The following ADD2 variants were observed in gnomAD, a reference collection of about 807,000 sequenced individuals.
ADD2 encodes adducin 2.
ADD2 carries 23 observed loss-of-function variants against 83.0 expected under a neutral mutation model. The ratio of observed to expected loss-of-function variants is 0.28; its 90% CI spans 0.20 to 0.39. The LOEUF (loss-of-function observed/expected upper bound fraction) is 0.39, where lower values mean the gene tolerates loss of function less well. Among genes scored for constraint, ADD2 ranks in the 10% least tolerant of loss-of-function variants. The pLI, the probability that ADD2 is intolerant of heterozygous loss-of-function variation, is 1.00. For synonymous variants in ADD2, 375 were observed against 375.4 expected (o/e 1.00, Z 0.01); for missense variants, 758 against 944.9 (o/e 0.80, Z 2.59).
At chr2:70,757,951 A>C (rs1674881352) in intron 1 of ADD2, among the ~76,000 whole-genome samples, 1 of 152,212 alleles carries the variant, frequency 6.6e-6, no homozygotes, top group Non-Finnish European at 1.5e-5. Context: ...TTTTCCCTTC[A>C]ATAAAATGAT....
At chr2:70,692,191 G>A (rs56232445) in intron 7 of ADD2, among the ~76,000 whole-genome samples, 3,661 of 152,332 alleles carry the variant, frequency 0.024, 79 homozygotes, top group Admixed American at 0.058. Flanking sequence ...GTATGTGGGG[G>A]ATGCGATGGA....
rs1374557201 is a variant in ADD2 at position 70,658,520 on chromosome 2, C to T, written c.*4905G>A. 11 of 152,206 alleles carry T rather than the reference C, an allele frequency of 7.2e-5. No individual in the cohort carries two copies. The highest frequency in any genetic ancestry group is 2.7e-4 in the African/African-American group (11 of 41,450). 9.4% of individuals were successfully genotyped at this position (152,206 alleles called of 1,614,324 possible). A position where few individuals can be genotyped will look rare whatever the true frequency, so the allele number is the denominator to read the frequency against. ...TATCCCTTTCAGAACAGATGTGAAA[C>T]AGATGATAGGCTGCCTCACTGGCTT... On this transcript the variant is annotated 3_prime_UTR_variant, in exon 16 of 16. Coordinates refer to ENST00000264436, the MANE Select transcript of ADD2 (RefSeq NM_001617.4).
At position 70,706,277 on chromosome 2, in the gene ADD2, G is replaced by A; in HGVS notation, c.132C>T (p.Asp44=). 6.2e-7 allele frequency: 1 copy of A among 1,614,122 alleles called. No homozygotes were observed. The highest frequency in any genetic ancestry group is 8.5e-7 in the Non-Finnish European group (1 of 1,180,010). ...LRNRAADLRQ[D]FNLMEQKKRV... ...GCTTCTTCTGCTCCATCAGGTTGAA[G>A]TCCTGCCGCAGGTCCGCCGCCCGGT... Residue 44 remains aspartate (D), a synonymous_variant, in exon 3 of 16, where the codon GAC becomes GAT. Transcript: ENST00000264436. This position sits in a 1 kb window ranked among gnomAD's most constrained non-coding sequence, Gnocchi z 5.0.
Position 70,683,582 on chromosome 2 carries a change from G to A in ADD2, c.1125+9C>T, listed in dbSNP as rs1574237203. ...GACTGGCCTGGAAGGGCAATGGCAG[G>A]AGACTCACCAGGTTGTCCAGCATCC... On this transcript the variant is annotated intron_variant, in intron 10 of 15. Coordinates refer to ENST00000264436, the MANE Select transcript of ADD2 (RefSeq NM_001617.4). The A allele has an allele frequency of 1.2e-6, 2 of 1,605,436 alleles. No individual in the cohort carries two copies. The highest frequency in any genetic ancestry group is 1.7e-6 in the Non-Finnish European group (2 of 1,173,136).
At chr2:70,681,462 G>A (rs1378429399) in intron 10 of ADD2, among the ~76,000 whole-genome samples, 1 of 152,098 alleles carries the variant, frequency 6.6e-6, no homozygotes, top group Non-Finnish European at 1.5e-5. Flanking sequence ...AGGAATCTTT[G>A]AAAAACCCCC....
chr2:70,759,185 A>C (rs755037289), intron 1 of ADD2, among the ~76,000 whole-genome samples: 1 of 152,254 alleles, frequency 6.6e-6, no homozygotes, highest in Admixed American at 6.5e-5. Context: ...TGGAGCACTG[A>C]AATTTGTATT....
At chr2:70,731,851 C>T (rs972995716) in intron 1 of ADD2, among the ~76,000 whole-genome samples, 23 of 152,348 alleles carry the variant, frequency 1.5e-4, no homozygotes, top group African/African-American at 4.8e-4. Context: ...TCATGTCAGG[C>T]AGTCCCACAA....
chr2:70,689,684 CA>C (rs1446415641), intron 8 of ADD2, among the ~76,000 whole-genome samples: 1 of 152,212 alleles, frequency 6.6e-6, no homozygotes, highest in Admixed American at 6.5e-5. Flanking sequence ...ATGATTCAGG[CA>C]GTGCATTCCT....
intron 1 of ADD2, among the ~76,000 whole-genome samples, chr2:70,738,959 C>T (rs1428844131): frequency 1.3e-5 from 2 of 152,156 alleles, no homozygotes; most frequent in African/African-American, 4.8e-5. Flanking sequence ...CTAGGTAATA[C>T]CATTCTGGAC....
rs533681518 is a variant in ADD2, at chr2:70,663,821, A to G, written c.1871-86T>C. 6 of 1,383,896 alleles carry G rather than the reference A, an allele frequency of 4.3e-6. No homozygotes were observed. The South Asian group carries it at 8.4e-5, about 19-fold the overall frequency. The allele number at this position is 1,383,896 out of a possible 1,614,324, so 85.7% of individuals were successfully genotyped here. A position where few individuals can be genotyped will look rare whatever the true frequency, so the allele number is the denominator to read the frequency against. ...GGGCTAACAGAACCATTTCTAGGGAATTCTATAAAATCAATCCAGAGCGAG... is the reference window on the plus strand; with the variant it reads ...GGGCTAACAGAACCATTTCTAGGGAGTTCTATAAAATCAATCCAGAGCGAG... On this transcript the variant is annotated intron_variant, in intron 15 of 15. Coordinates refer to ENST00000264436, the MANE Select transcript of ADD2 (RefSeq NM_001617.4).
At chr2:70,729,298 C>T (rs1477056) in intron 1 of ADD2, among the ~76,000 whole-genome samples, 2 of 152,238 alleles carry the variant, frequency 1.3e-5, no homozygotes, top group African/African-American at 2.4e-5. Flanking sequence ...TGGAATAACA[C>T]TACCTCCTTC....
intron 1 of ADD2, among the ~76,000 whole-genome samples, chr2:70,719,699 C>G (rs1402808287): frequency 6.6e-6 from 1 of 152,184 alleles, no homozygotes; most frequent in African/African-American, 2.4e-5. Context: ...AGCTGACTGT[C>G]CTGATTCACT....
Position 70,683,677 on chromosome 2 carries a change from A to G in ADD2, c.1039T>C (p.Trp347Arg). ...HRPHEVGSVQ[W>R]AGSTFGPMQK... ...ATAGGCCCAAAGGTGCTCCCGGCCC[A>G]CTGCACGGAGCCCACCTCATGGGGC... Residue 347 changes from tryptophan to arginine, a missense_variant, in exon 10 of 16, where the codon TGG (tryptophan) becomes CGG (arginine). Around this residue, in one of 5 missense-constraint regions of ADD2, gnomAD observed 394 missense variants for 509.3 expected, o/e 0.77. Transcript: ENST00000264436. 1 of 1,614,154 alleles carries G rather than the reference A, an allele frequency of 6.2e-7. No homozygotes were observed. Among genetic ancestry groups the G allele is most frequent in the Non-Finnish European group, 8.5e-7 (1 of 1,180,012 alleles).
Position 70,706,477 on chromosome 2 carries a change from G to A in ADD2, c.-34-35C>T, listed in dbSNP as rs1553374541. ...AGGGGAGAGGGTATGCGGTCAGGTT[G>A]GTGCTCCCCATCGGGGTACACGTTT... On this transcript the variant is annotated intron_variant, in intron 2 of 15. Coordinates refer to ENST00000264436, the MANE Select transcript of ADD2 (RefSeq NM_001617.4). This position sits in a 1 kb window ranked among gnomAD's most constrained non-coding sequence, Gnocchi z 5.0. 2 of 1,528,360 alleles carry A rather than the reference G, an allele frequency of 1.3e-6. No homozygotes were observed. The highest frequency in any genetic ancestry group is 3.7e-5 in the Admixed American group (2 of 53,558). The allele number at this position is 1,528,360 out of a possible 1,614,324, so 94.7% of individuals were successfully genotyped here.
intron 1 of ADD2, among the ~76,000 whole-genome samples, chr2:70,752,994 G>A (rs782071611): frequency 3.9e-5 from 6 of 152,154 alleles, no homozygotes; most frequent in Non-Finnish European, 7.3e-5. Flanking sequence ...GGATTCATCA[G>A]CACAAAAATG....
intron 1 of ADD2, among the ~76,000 whole-genome samples, chr2:70,744,756 AG>A (rs1553381679): frequency 6.6e-6 from 1 of 152,136 alleles, no homozygotes; most frequent in Non-Finnish European, 1.5e-5. Context: ...AAAATAGAAT[AG>A]GGGATGGGTC....
At chr2:70,692,271 C>G (rs1574250104) in intron 7 of ADD2, 132 bp downstream of exon 7, 2 of 1,069,330 alleles carry the variant, frequency 1.9e-6, no homozygotes, top group East Asian at 2.9e-5. Flanking sequence ...CTGGGCGTTT[C>G]CACGTTGGGA....
At chr2:70,707,570 G>A (rs1671967605) in intron 2 of ADD2, among the ~76,000 whole-genome samples, 3 of 152,154 alleles carry the variant, frequency 2.0e-5, no homozygotes, top group South Asian at 4.1e-4. Context: ...TGCGAAGCCC[G>A]TCTCCTTTCC....
chr2:70,669,188 G>C (rs1323205014), intron 15 of ADD2, among the ~76,000 whole-genome samples: 1 of 152,210 alleles, frequency 6.6e-6, no homozygotes, highest in East Asian at 1.9e-4. Context: ...TGAGCTGGAT[G>C]CTGGCCACGC....
Sources: gnomAD v4.1 joint callset for allele counts (sites outside exome capture counted in the v4.1 genomes callset) on GRCh38, gnomAD v4.1.1 for gene constraint, gnomAD v4.1.1 regional missense constraint, Gnocchi (gnomAD v3.1) non-coding constraint, MANE v1.5 for transcripts, NCBI Gene and HGNC (gene_info 2026-07-23, HGNC 2026-07-21) for gene names.